The following ARHGAP26 variants were observed in gnomAD, a reference collection of about 807,000 sequenced individuals.
ARHGAP26 encodes the protein rho GTPase-activating protein 26.
In ARHGAP26, 38 loss-of-function variants were observed where a neutral mutation model predicts 104.8. That is an observed-to-expected ratio of 0.36 (90% CI 0.28 to 0.48). The LOEUF (loss-of-function observed/expected upper bound fraction) is 0.48. ARHGAP26 is among the 20% of genes least tolerant of loss of function. The pLI is 0.99. For missense variants in ARHGAP26, 704 were observed against 947.9 expected, an observed-to-expected ratio of 0.74 and a Z score of 3.38; for synonymous variants, 341 against 340.0, an observed-to-expected ratio of 1.00 and a Z score of -0.03.
intron 18 of ARHGAP26, among the ~76,000 whole-genome samples, chr5:143,132,708 T>G (rs1562482965): frequency 6.6e-6 from 1 of 152,122 alleles, no homozygotes; most frequent in Non-Finnish European, 1.5e-5. Flanking sequence ...AAACCATAGC[T>G]ACAGGAGGGC....
At chr5:142,899,758 G>A (rs1301510339) in intron 6 of ARHGAP26, among the ~76,000 whole-genome samples, 3 of 152,048 alleles carry the variant, frequency 2.0e-5, no homozygotes, top group Non-Finnish European at 4.4e-5. Flanking sequence ...GAAGCAAGGG[G>A]GAAGTGGGCC....
intron 17 of ARHGAP26, among the ~76,000 whole-genome samples, chr5:143,066,844 C>T (rs1787563268): frequency 6.6e-6 from 1 of 152,200 alleles, no homozygotes; most frequent in Non-Finnish European, 1.5e-5. Flanking sequence ...TGAGCCAGCA[C>T]AGGGGCAGCT....
chr5:142,851,547 G>A (rs2152265976), intron 1 of ARHGAP26, among the ~76,000 whole-genome samples: 1 of 152,274 alleles, frequency 6.6e-6, no homozygotes, highest in East Asian at 1.9e-4. Flanking sequence ...CCCCTCATAG[G>A]CTCATGCACA....
chr5:142,886,912 T>C (rs752692066), intron 5 of ARHGAP26, among the ~76,000 whole-genome samples: 3 of 152,236 alleles, frequency 2.0e-5, no homozygotes, highest in Non-Finnish European at 2.9e-5. Flanking sequence ...AACTAACTTA[T>C]ATTTAAAGAA....
intron 17 of ARHGAP26, among the ~76,000 whole-genome samples, chr5:143,083,871 A>G (rs976246540): frequency 6.6e-6 from 1 of 152,216 alleles, no homozygotes; most frequent in African/African-American, 2.4e-5. Context: ...CCCTCTAATA[A>G]GAAAACCTTG....
chr5:143,044,789 AT>A (rs1783993608), intron 14 of ARHGAP26, among the ~76,000 whole-genome samples: 2 of 152,230 alleles, frequency 1.3e-5, no homozygotes, highest in Admixed American at 6.5e-5. Flanking sequence ...GTGTTTGATT[AT>A]GGAAAGACAT....
chr5:143,122,633 A>G (rs1196964520), intron 18 of ARHGAP26, among the ~76,000 whole-genome samples: 1 of 152,234 alleles, frequency 6.6e-6, no homozygotes, highest in Non-Finnish European at 1.5e-5. Context: ...GGTTGGCTTT[A>G]TAGACAGAAA....
chr5:142,809,931 A>G (rs1156304443), intron 1 of ARHGAP26, among the ~76,000 whole-genome samples: 1 of 152,214 alleles, frequency 6.6e-6, no homozygotes, highest in African/African-American at 2.4e-5. Context: ...GGACTGGTGC[A>G]GGTTTTAGTA....
At chr5:142,923,098 T>C (rs1158360943) in intron 10 of ARHGAP26, among the ~76,000 whole-genome samples, 1 of 151,914 alleles carries the variant, frequency 6.6e-6, no homozygotes, top group African/African-American at 2.4e-5. Context: ...TTTTTTTTTT[T>C]CTTTTAATTA....
intron 10 of ARHGAP26, among the ~76,000 whole-genome samples, chr5:142,924,945 TG>T (rs1373921832): frequency 3.3e-5 from 5 of 152,192 alleles, no homozygotes; most frequent in African/African-American, 1.2e-4. Context: ...ATGCATGAGA[TG>T]GATGACTTTA....
chr5:143,042,920 C>T (rs189730509), intron 14 of ARHGAP26, among the ~76,000 whole-genome samples: 12 of 152,188 alleles, frequency 7.9e-5, no homozygotes, highest in Admixed American at 2.6e-4. Context: ...ACTCTAGCAA[C>T]GAGTATCTGG....
At chr5:143,172,677 G>A (rs145200107) in intron 20 of ARHGAP26, among the ~76,000 whole-genome samples, 90 of 152,330 alleles carry the variant, frequency 5.9e-4, no homozygotes, top group African/African-American at 2.2e-3. Flanking sequence ...GTATTGAAAG[G>A]TTGTTTTTAC....
At chr5:143,081,698 T>C (rs1038706130) in intron 17 of ARHGAP26, among the ~76,000 whole-genome samples, 2 of 152,204 alleles carry the variant, frequency 1.3e-5, no homozygotes, top group African/African-American at 2.4e-5. Context: ...ATCCAGTTTC[T>C]GGCATGGAGT....
At chr5:142,811,193 G>A (rs1412701948) in intron 1 of ARHGAP26, among the ~76,000 whole-genome samples, 1 of 152,188 alleles carries the variant, frequency 6.6e-6, no homozygotes, top group African/African-American at 2.4e-5. Flanking sequence ...TACGGACTTT[G>A]CTTATTAGCA....
chr5:142,815,292 C>T lies in ARHGAP26; in HGVS notation c.154+44377C>T, dbSNP rs1045983084. ...CTGACCTTAGGTGATCTGCATGCCT[C>T]GGCCTTCCAAAGTGCTGGGATTACC... is the stretch of plus-strand genomic sequence containing the variant. On this transcript the variant is annotated intron_variant, in intron 1 of 22. Coordinates refer to ENST00000645722, the MANE Select transcript of ARHGAP26 (RefSeq NM_001135608.3). 5.9e-5 allele frequency among the ~76,000 whole-genome samples: 9 copies of T among 152,326 alleles called. No homozygotes were observed. The South Asian group carries it at 8.3e-4, about 14-fold the overall frequency.
chr5:142,801,612 GTTT>G (rs76073855), intron 1 of ARHGAP26, among the ~76,000 whole-genome samples: 3 of 141,264 alleles, frequency 2.1e-5, no homozygotes, highest in Non-Finnish European at 3.1e-5. Flanking sequence ...TTAGTAGAGG[GTTT>G]TTTTTTTTTT....
intron 12 of ARHGAP26, among the ~76,000 whole-genome samples, chr5:143,035,406 G>A (rs552059212): frequency 6.6e-6 from 1 of 152,296 alleles, no homozygotes; most frequent in African/African-American, 2.4e-5. Context: ...GATGAGACTG[G>A]AGACTATTAT....
intron 20 of ARHGAP26, among the ~76,000 whole-genome samples, chr5:143,206,118 A>G (rs1479256765): frequency 1.3e-5 from 2 of 152,186 alleles, no homozygotes; most frequent in Non-Finnish European, 2.9e-5. Flanking sequence ...TAAGTAGGAC[A>G]TTTGTGTGTG....
chr5:142,961,925 A>G (rs1770320057), intron 11 of ARHGAP26, among the ~76,000 whole-genome samples: 1 of 152,198 alleles, frequency 6.6e-6, no homozygotes, highest in South Asian at 2.1e-4. Context: ...TTAGACAAAA[A>G]TGACGACAGA....
Sources: gnomAD v4.1 joint callset for allele counts (sites outside exome capture counted in the v4.1 genomes callset) on GRCh38, gnomAD v4.1.1 for gene constraint, MANE v1.5 for transcripts, NCBI Gene and HGNC (gene_info 2026-07-23, HGNC 2026-07-21) for gene names.